Variants in TTN observed in about 807,000 individuals in gnomAD.
TTN encodes titin, also known as connectin.
Under a neutral mutation model 3,223.0 loss-of-function variants are expected in TTN, and 1,525 were observed. The observed-to-expected ratio is 0.47, with a 90% confidence interval of 0.45 to 0.49. The LOEUF (loss-of-function observed/expected upper bound fraction) is 0.49. TTN is among the 20% of genes least tolerant of loss of function. The pLI is 0.00. For missense variants in TTN, 40,786 were observed against 43,424.0 expected (o/e 0.94, Z 5.40); for synonymous variants, 14,094 against 15,161.0 (o/e 0.93, Z 5.17).
At chr2:178,630,474 G>A in intron 238 of TTN, 107 bp from the exon 239 acceptor site, 1 of 1,348,282 alleles carries the variant, frequency 7.4e-7, no homozygotes, top group Non-Finnish European at 1.0e-6. Flanking sequence ...AAATGGTGAT[G>A]AAACTTTATA....
chr2:178,665,002 A>G, intron 165 of TTN, 76 bp from the exon 166 acceptor site: 2 of 1,463,822 alleles, frequency 1.4e-6, no homozygotes, highest in South Asian at 2.5e-5. Flanking sequence ...AAGTTAGGAA[A>G]TATAACCACA....
rs751230890 is a variant in TTN, at chr2:178,745,676, C to G, written c.11312-3755G>C. On this transcript the variant is annotated intron_variant, in intron 47 of 362. Transcript: ENST00000589042. ...CTCTCCTTCATCACTCTTTACTAAG[C>G]TTGTTATAAACAGGTTATGGAACCC... 11 of 1,611,658 alleles carry G rather than the reference C, an allele frequency of 6.8e-6. No individual in the cohort carries two copies. The South Asian group carries it at 1.2e-4, about 18-fold the overall frequency.
Position 178,579,335 on chromosome 2 carries a change from G to C in TTN, c.67695C>G (p.Asn22565Lys). Residue 22565 changes from asparagine to lysine, a missense_variant, in exon 320 of 363, where the codon AAC becomes AAG. Transcript: ENST00000589042. ...TGGGGATCTTAAGCCGGAAGTTGCT[G>C]TTTTCTTTAGCCAAGTAGCACAAAT... is the stretch of plus-strand genomic sequence containing the variant. The part of the protein sequence containing the change: ...LPDLCYLAKE[N>K]SNFRLKIPIK... 1 of 1,605,932 alleles carries C rather than the reference G, an allele frequency of 6.2e-7. No homozygotes were observed. Among genetic ancestry groups the C allele is most frequent in the Middle Eastern group, 1.7e-4 (1 of 6,016 alleles).
chr2:178,790,519 CAAAG>C (rs1383245711), intron 11 of TTN, among the ~76,000 whole-genome samples, 185 bp downstream of exon 11: 1 of 151,976 alleles, frequency 6.6e-6, no homozygotes, highest in Non-Finnish European at 1.5e-5. Flanking sequence ...AGTAACAAGC[CAAAG>C]AAAGTCTGAA....
rs748022692 is a variant in TTN at position 178,535,012 on chromosome 2, T to A, written c.101603A>T (p.Asn33868Ile). ...VLVKKEISILNIARHRNILHL... is the reference protein window; with the variant it reads ...VLVKKEISILIIARHRNILHL... ...TAAGATGTTTCTATGCCTAGCAATA[T>A]TCAGAATGGAAATTTCCTTCTTTAC... The change falls in exon 358 of 363, where the codon AAT becomes ATT. Residue 33868 changes from asparagine (N) to isoleucine (I), a missense_variant. Transcript: ENST00000589042. 6.2e-7 allele frequency: 1 copy of A among 1,613,900 alleles called. No homozygotes were observed. Among genetic ancestry groups the A allele is most frequent in the Admixed American group, 1.7e-5 (1 of 60,018 alleles).
chr2:178,540,038 T>C (rs775360977), intron 351 of TTN, 30 bp downstream of exon 351: 87 of 1,595,330 alleles, frequency 5.5e-5, no homozygotes, highest in Non-Finnish European at 7.2e-5. Context: ...ATGGCAATTA[T>C]TGCAGAAAGC....
At position 178,561,121 on chromosome 2, in the gene TTN, A is replaced by G. The variant is rs943889457; in HGVS notation, c.85011T>C (p.Ser28337=). ...VFARNAADSV[S]EPSESTGPII... ...TAGGCCCAGTGGATTCAGATGGCTCACTAACTGAGTCAGCAGCATTCCTTG... is the reference window on the plus strand; with the variant it reads ...TAGGCCCAGTGGATTCAGATGGCTCGCTAACTGAGTCAGCAGCATTCCTTG... The change falls in exon 326 of 363, where the codon AGT becomes AGC. Residue 28337 remains serine, a synonymous_variant. Transcript: ENST00000589042. 6.2e-7 allele frequency: 1 copy of G among 1,613,860 alleles called. No individual in the cohort carries two copies. Among genetic ancestry groups the G allele is most frequent in the Non-Finnish European group, 8.5e-7 (1 of 1,179,820 alleles).
chr2:178,526,968 C>G lies in TTN; in HGVS notation c.*44G>C, dbSNP rs764663281. On this transcript the variant is annotated 3_prime_UTR_variant, in exon 363 of 363. Transcript: ENST00000589042. ...AAGATTAGTCCGTGTGAAACGTTTG[C>G]GAAAAGTTAAGAATGAGTGTAGAGT... is the stretch of plus-strand genomic sequence containing the variant. The G allele has an allele frequency of 6.7e-7, 1 of 1,483,736 alleles. No homozygotes were observed. The highest frequency in any genetic ancestry group is 9.0e-7 in the Non-Finnish European group (1 of 1,109,456). The allele number at this position is 1,483,736 out of a possible 1,614,324, so 91.9% of individuals were successfully genotyped here. A position where few individuals can be genotyped will look rare whatever the true frequency, so the allele number is the denominator to read the frequency against.
intron 46 of TTN, among the ~76,000 whole-genome samples, chr2:178,754,353 T>A (rs2086374814): frequency 6.6e-6 from 1 of 152,126 alleles, no homozygotes; most frequent in Non-Finnish European, 1.5e-5. Context: ...TAAAAATGTC[T>A]TATCTTTCAA....
rs368151971 is a variant in TTN at position 178,714,306 on chromosome 2, G to A, written c.26468C>T (p.Thr8823Met). The change falls in exon 91 of 363, where the codon ACG becomes ATG. Residue 8823 changes from threonine to methionine, a missense_variant. Transcript: ENST00000589042. ...TTTTTACTAACCGAGAACGGATAGC[G>A]TGGCGAAGCACTCTTGCATCCCAGC... ...NDAGMQECFA[T>M]LSVLEPATIV... 2.0e-5 allele frequency: 32 copies of A among 1,612,478 alleles called. No homozygotes were observed. Among genetic ancestry groups the A allele is most frequent in the Middle Eastern group, 1.7e-4 (1 of 6,054 alleles).
chr2:178,640,398 G>C (rs909829674), intron 221 of TTN, 143 bp downstream of exon 221: 1 of 784,748 alleles, frequency 1.3e-6, no homozygotes. Flanking sequence ...TTGCATAGGA[G>C]AGTGAGATGG....
chr2:178,704,914 A>C lies in TTN; in HGVS notation c.29657T>G (p.Leu9886Arg). ...CAGTCTTTGCTGAATAAATGATACA[A>C]GTTCCTCAAATTCCTTTTCGTCCCT... ...SERDEKEFEE[L>R]VSFIQQRLSQ... The change falls in exon 104 of 363, where the codon CTT (leucine) becomes CGT (arginine). Residue 9886 changes from leucine to arginine, a missense_variant. Physicochemically the swap from Leu to Arg is moderately radical, Grantham distance 102. Transcript: ENST00000589042. 1.2e-6 allele frequency: 2 copies of C among 1,613,458 alleles called. No individual in the cohort carries two copies. The highest frequency in any genetic ancestry group is 4.5e-5 in the East Asian group (2 of 44,858).
rs2049896999 is a variant in TTN, at chr2:178,590,146, G to T, written c.61579C>A (p.Gln20527Lys). The T allele has an allele frequency of 6.2e-7, 1 of 1,613,162 alleles. No individual in the cohort carries two copies. Among genetic ancestry groups the T allele is most frequent in the East Asian group, 2.2e-5 (1 of 44,770 alleles). The part of the protein sequence containing the change: ...LVREKRVDLI[Q>K]DLPRVELQIK... Reference sequence around the variant, plus strand: ...TGTAACTCAACACGAGGTAGATCCTGAATAAGGTCCACCCTCTTTTCTCGG... The same window carrying T: ...TGTAACTCAACACGAGGTAGATCCTTAATAAGGTCCACCCTCTTTTCTCGG... Residue 20527 changes from glutamine (Q) to lysine (K), a missense_variant, in exon 304 of 363, where the codon CAG (glutamine) becomes AAG (lysine). Transcript: ENST00000589042.
chr2:178,745,285 A>G (rs944118592), intron 47 of TTN: 2 of 1,211,346 alleles, frequency 1.7e-6, no homozygotes, highest in Admixed American at 7.1e-5. Flanking sequence ...CACTTTGTGG[A>G]GGAGGCATGA....
intron 47 of TTN, chr2:178,749,029 C>A: frequency 1.2e-6 from 2 of 1,612,526 alleles, no homozygotes; most frequent in East Asian, 2.2e-5. Flanking sequence ...TAATTCTATG[C>A]TTCACCTTTT....
chr2:178,748,339 C>T (rs766723841), intron 47 of TTN: 4 of 1,613,042 alleles, frequency 2.5e-6, no homozygotes, highest in Non-Finnish European at 3.4e-6. Context: ...TTTTCTCCAC[C>T]ATAGTTCTAT....
intron 113 of TTN, among the ~76,000 whole-genome samples, chr2:178,696,707 C>T (rs910672278): frequency 1.3e-5 from 2 of 152,040 alleles, no homozygotes; most frequent in African/African-American, 2.4e-5. Flanking sequence ...TTGACTATTG[C>T]ATATGATCCC....
rs189733990 is a variant in TTN, at chr2:178,543,473, G to A, written c.96500C>T (p.Ser32167Phe). Residue 32167 changes from serine to phenylalanine, a missense_variant, in exon 347 of 363, where the codon TCT becomes TTT. Coordinates refer to ENST00000589042, the MANE Select transcript of TTN (RefSeq NM_001267550.2). ...TKCSKTLYRI[S>F]GLVEGTMYYF... ...GTACATGGTTCCTTCTACAAGTCCA[G>A]AAATTCTGTAAAGTGTCTTGCTGCA... is the stretch of plus-strand genomic sequence containing the variant. The A allele has an allele frequency of 1.2e-6, 2 of 1,613,804 alleles. No homozygotes were observed. Among genetic ancestry groups the A allele is most frequent in the Admixed American group, 1.7e-5 (1 of 60,006 alleles).
intron 47 of TTN, chr2:178,745,668 T>C: frequency 6.2e-7 from 1 of 1,612,214 alleles, no homozygotes; most frequent in Non-Finnish European, 8.5e-7. Flanking sequence ...TCATCACTCT[T>C]TACTAAGCTT....
Sources: allele counts gnomAD v4.1 joint callset (sites outside exome capture counted in the v4.1 genomes callset), GRCh38; gene constraint gnomAD v4.1.1; transcripts MANE v1.5; gene names NCBI Gene and HGNC (gene_info 2026-07-23, HGNC 2026-07-21).